NCEH1: variants seen among roughly 807,000 people sequenced by gnomAD.
NCEH1 encodes the protein neutral cholesterol ester hydrolase 1.
Under a neutral mutation model 25.4 loss-of-function variants are expected in NCEH1, and 9 were observed. The observed-to-expected ratio is 0.35, with a 90% CI of 0.21 to 0.62. The LOEUF is 0.62. Among genes scored for constraint, NCEH1 ranks in the 20% least tolerant of loss-of-function variants. The pLI is 0.72. For missense variants in NCEH1, 412 were observed against 501.1 expected (o/e 0.82, Z 1.70); for synonymous variants, 200 against 199.8 (o/e 1.00, Z -0.01).
At chr3:172,687,550 T>G (rs962003730) in intron 1 of NCEH1, among the ~76,000 whole-genome samples, 2 of 152,238 alleles carry the variant, frequency 1.3e-5, no homozygotes, top group African/African-American at 4.8e-5. Context: ...CATAAACTCA[T>G]GTCTTCAAGG....
At position 172,710,987 on chromosome 3, in the gene NCEH1, T is replaced by C. The variant is rs772800199; in HGVS notation, c.-3A>G. On this transcript the variant is annotated 5_prime_UTR_variant, in exon 1 of 5. Coordinates refer to ENST00000475381, the MANE Select transcript of NCEH1 (RefSeq NM_020792.6). ...AGCAGGACACAGGACGACCTCATCT[T>C]GCCCTGGCTCGGCTCGCCAGCGGGC... 1.9e-6 allele frequency: 3 copies of C among 1,614,038 alleles called. No individual in the cohort carries two copies. Among genetic ancestry groups the C allele is most frequent in the South Asian group, 1.1e-5 (1 of 91,086 alleles).
At chr3:172,635,609 A>C (rs1403661870) in intron 4 of NCEH1, among the ~76,000 whole-genome samples, 1 of 152,210 alleles carries the variant, frequency 6.6e-6, no homozygotes, top group African/African-American at 2.4e-5. Context: ...CAAACATGAA[A>C]AAGGAGCAGG....
At chr3:172,658,582 C>A (rs999856354) in intron 1 of NCEH1, among the ~76,000 whole-genome samples, 1 of 152,126 alleles carries the variant, frequency 6.6e-6, no homozygotes, top group African/African-American at 2.4e-5. Flanking sequence ...TTAGATTGCA[C>A]AATTATAAAA....
intron 1 of NCEH1, 39 bp downstream of exon 1, chr3:172,710,808 A>C: frequency 6.2e-7 from 1 of 1,607,998 alleles, no homozygotes; most frequent in Non-Finnish European, 8.5e-7. Context: ...ATATTGCGTA[A>C]GAGGAGGAAG....
Position 172,667,485 on chromosome 3 carries a change from C to G in NCEH1, c.139-19371G>C, listed in dbSNP as rs376004948. 3.7e-4 allele frequency among the ~76,000 whole-genome samples: 56 copies of G among 152,268 alleles called. 1 individual carries two copies. The South Asian group carries it at 0.012, about 32-fold the overall frequency. On this transcript the variant is annotated intron_variant, in intron 1 of 4. Coordinates refer to ENST00000475381, the MANE Select transcript of NCEH1 (RefSeq NM_020792.6). The stretch of plus-strand genomic sequence containing the variant: ...AGGGAAATCACAGAAGGTGGATGAC[C>G]TAAGGTTGCGCAGTAAAGCACGGTT...
In NCEH1 at chr3:172,668,423, C is replaced by G. The variant is rs536001160; in HGVS notation, c.139-20309G>C. ...AGGCTGGAGTGCAATGGCACAATCT[C>G]GGCTCACTACAAGCTCCGCCTCCCA... is the stretch of plus-strand genomic sequence containing the variant. On this transcript the variant is annotated intron_variant, in intron 1 of 4. Transcript: ENST00000475381. 1.7e-4 allele frequency among the ~76,000 whole-genome samples: 22 copies of G among 130,940 alleles called. No homozygotes were observed. The South Asian group carries it at 5.0e-3, about 30-fold the overall frequency. 85.9% of individuals were successfully genotyped at this position (130,940 alleles called of 152,430 possible). A position where few individuals can be genotyped will look rare whatever the true frequency, so the allele number is the denominator to read the frequency against.
intron 4 of NCEH1, among the ~76,000 whole-genome samples, chr3:172,634,460 G>A (rs548937138): frequency 1.3e-5 from 2 of 152,184 alleles, no homozygotes; most frequent in South Asian, 4.2e-4. Context: ...GGCTTCCTAG[G>A]GGGAAAAAAA....
At chr3:172,694,678 C>T (rs915158008) in intron 1 of NCEH1, among the ~76,000 whole-genome samples, 22 of 152,156 alleles carry the variant, frequency 1.4e-4, no homozygotes, top group Non-Finnish European at 3.2e-4. Flanking sequence ...CCATTGCAGT[C>T]CTCAGGTTCC....
intron 1 of NCEH1, among the ~76,000 whole-genome samples, chr3:172,697,415 A>G (rs1353344095): frequency 2.6e-5 from 4 of 152,194 alleles, no homozygotes; most frequent in African/African-American, 9.6e-5. Flanking sequence ...CAAAATGCCT[A>G]GCTGTAGCCA....
At chr3:172,645,040 A>G (rs1474276305) in intron 3 of NCEH1, among the ~76,000 whole-genome samples, 1 of 152,228 alleles carries the variant, frequency 6.6e-6, no homozygotes, top group Non-Finnish European at 1.5e-5. Flanking sequence ...GGTACAAAAA[A>G]GATGGCGTGA....
intron 1 of NCEH1, among the ~76,000 whole-genome samples, chr3:172,699,734 G>T (rs112675210): frequency 6.6e-6 from 1 of 152,040 alleles, no homozygotes; most frequent in Non-Finnish European, 1.5e-5. Flanking sequence ...GCATGGTGGT[G>T]TATGCCTGTG....
At chr3:172,690,328 G>A (rs1344201753) in intron 1 of NCEH1, among the ~76,000 whole-genome samples, 3 of 152,084 alleles carry the variant, frequency 2.0e-5, no homozygotes, top group African/African-American at 4.8e-5. Context: ...ATTCATTGAA[G>A]GAATGAACAA....
chr3:172,703,920 C>T lies in NCEH1; in HGVS notation c.138+6927G>A, dbSNP rs140579641. Reference sequence around the variant, plus strand: ...ACACTATTCTTAAAACCTTTTGCCTCCATATGTTTAAAGAAAAATCCTAGC... The same window carrying T: ...ACACTATTCTTAAAACCTTTTGCCTTCATATGTTTAAAGAAAAATCCTAGC... On this transcript the variant is annotated intron_variant, in intron 1 of 4. Coordinates refer to ENST00000475381, the MANE Select transcript of NCEH1 (RefSeq NM_020792.6). 6.0e-3 allele frequency among the ~76,000 whole-genome samples: 913 copies of T among 152,264 alleles called. 9 individuals are homozygous for T. Among genetic ancestry groups the T allele is most frequent in the African/African-American group, 0.021 (876 of 41,538 alleles).
intron 1 of NCEH1, among the ~76,000 whole-genome samples, chr3:172,668,998 C>A (rs1019601245): frequency 6.6e-6 from 1 of 152,048 alleles, no homozygotes; most frequent in Admixed American, 6.5e-5. Context: ...CCACACCCAG[C>A]TAATTTTTGT....
At chr3:172,705,012 G>C (rs1218078027) in intron 1 of NCEH1, among the ~76,000 whole-genome samples, 2 of 152,216 alleles carry the variant, frequency 1.3e-5, no homozygotes, top group Non-Finnish European at 2.9e-5. Flanking sequence ...CACTATGATA[G>C]CTATATCAGG....
intron 1 of NCEH1, among the ~76,000 whole-genome samples, chr3:172,666,060 G>C (rs141838544): frequency 0.022 from 3,290 of 152,294 alleles, 115 homozygotes; most frequent in African/African-American, 0.076. Flanking sequence ...CCCATCTTCT[G>C]TGTCACTCAT....
At chr3:172,688,222 C>A (rs1026477320) in intron 1 of NCEH1, among the ~76,000 whole-genome samples, 2 of 147,426 alleles carry the variant, frequency 1.4e-5, no homozygotes, top group Non-Finnish European at 3.0e-5. Context: ...CCTGGCTAGT[C>A]AGGAGGCTGA....
chr3:172,711,023 G>A lies in NCEH1; in HGVS notation c.-39C>T. On this transcript the variant is annotated 5_prime_UTR_variant, in exon 1 of 5. Transcript: ENST00000475381. ...GGCTCGCCAGCGGGCTGGCAAAGAGGAAAGGGCGATACCACCCGGAGACCT... is the reference window on the plus strand; with the variant it reads ...GGCTCGCCAGCGGGCTGGCAAAGAGAAAAGGGCGATACCACCCGGAGACCT... 6.2e-7 allele frequency: 1 copy of A among 1,613,736 alleles called. No homozygotes were observed. Among genetic ancestry groups the A allele is most frequent in the Non-Finnish European group, 8.5e-7 (1 of 1,179,966 alleles).
intron 1 of NCEH1, among the ~76,000 whole-genome samples, chr3:172,694,187 A>T (rs1713229285): frequency 6.6e-6 from 1 of 152,166 alleles, no homozygotes; most frequent in African/African-American, 2.4e-5. Context: ...CCTGTATTTA[A>T]ATGTTATACA....
Sources: allele counts gnomAD v4.1 joint callset (sites outside exome capture counted in the v4.1 genomes callset), GRCh38; gene constraint gnomAD v4.1.1; transcripts MANE v1.5; gene names NCBI Gene and HGNC (gene_info 2026-07-23, HGNC 2026-07-21).